Variants in ROR1 observed in about 807,000 individuals in gnomAD.
ROR1 encodes inactive tyrosine-protein kinase transmembrane receptor ROR1.
Under a neutral mutation model 78.8 loss-of-function variants are expected in ROR1, and 19 were observed. The observed-to-expected ratio is 0.24, with a 90% CI of 0.17 to 0.35. The LOEUF is 0.35. Among genes scored for constraint, ROR1 ranks in the 10% least tolerant of loss-of-function variants. The probability of loss-of-function intolerance (pLI) is 1.00; values close to 1 mark genes in which losing one functional copy is unlikely to be tolerated. For synonymous variants in ROR1, 386 were observed against 433.6 expected (o/e 0.89, Z 1.36); for missense variants, 917 against 1,177.8 (o/e 0.78, Z 3.24).
At chr1:64,044,438 T>C (rs965659372) in intron 2 of ROR1, among the ~76,000 whole-genome samples, 2 of 152,088 alleles carry the variant, frequency 1.3e-5, no homozygotes, top group African/African-American at 4.8e-5. Context: ...GGTACCAAAC[T>C]AGTGGTCACT....
At chr1:64,174,800 A>G (rs1409719992) in intron 8 of ROR1, among the ~76,000 whole-genome samples, 4 of 152,148 alleles carry the variant, frequency 2.6e-5, no homozygotes, top group Non-Finnish European at 2.9e-5. Context: ...CAGCAAAAGT[A>G]AAATCATCTG....
chr1:63,803,893 C>G (rs1644811003), intron 1 of ROR1, among the ~76,000 whole-genome samples: 1 of 152,096 alleles, frequency 6.6e-6, no homozygotes. Flanking sequence ...TGTCGATGCA[C>G]TCAACAACTT....
chr1:63,972,817 A>AT (rs565814583), intron 1 of ROR1, among the ~76,000 whole-genome samples: 72 of 152,244 alleles, frequency 4.7e-4, no homozygotes, highest in African/African-American at 1.7e-3. Context: ...GTGTTTTGAG[A>AT]TTTTCCATTT....
At chr1:63,995,337 C>A (rs1385185926) in intron 1 of ROR1, among the ~76,000 whole-genome samples, 1 of 152,092 alleles carries the variant, frequency 6.6e-6, no homozygotes, top group Non-Finnish European at 1.5e-5. Context: ...GTGAGAATAT[C>A]ATTCTTCCCG....
chr1:64,108,072 G>A (rs1647903212), intron 4 of ROR1, among the ~76,000 whole-genome samples: 1 of 109,486 alleles, frequency 9.1e-6, no homozygotes, highest in African/African-American at 3.0e-5. Context: ...GTGTGTGTGT[G>A]TGTGTGTGTG....
intron 1 of ROR1, among the ~76,000 whole-genome samples, chr1:63,805,510 A>G (rs979056378): frequency 6.6e-6 from 1 of 152,254 alleles, no homozygotes; most frequent in Non-Finnish European, 1.5e-5. Flanking sequence ...GATTGCTCCT[A>G]ATGCATCAAC....
intron 1 of ROR1, among the ~76,000 whole-genome samples, chr1:63,974,219 C>A (rs1646140013): frequency 6.6e-6 from 1 of 152,130 alleles, no homozygotes; most frequent in Non-Finnish European, 1.5e-5. Flanking sequence ...TGGGTTTAAA[C>A]CTTGAATTAA....
chr1:63,992,180 A>AATTATT (rs569361556), intron 1 of ROR1, among the ~76,000 whole-genome samples: 1 of 151,094 alleles, frequency 6.6e-6, no homozygotes, highest in South Asian at 2.1e-4. Context: ...GGAATAGGTT[A>AATTATT]ATTATTATTA....
intron 2 of ROR1, among the ~76,000 whole-genome samples, chr1:64,030,189 A>G (rs1646649259): frequency 6.6e-6 from 1 of 152,214 alleles, no homozygotes; most frequent in Non-Finnish European, 1.5e-5. Flanking sequence ...TTAGCTCTAA[A>G]GAATGATGGA....
chr1:64,157,229 C>T (rs936630938), intron 7 of ROR1, among the ~76,000 whole-genome samples: 1 of 152,152 alleles, frequency 6.6e-6, no homozygotes, highest in Admixed American at 6.5e-5. Context: ...CCTCAACCTT[C>T]TGGGCTCAGG....
chr1:63,911,656 C>T (rs375607742), intron 1 of ROR1, among the ~76,000 whole-genome samples: 1 of 151,936 alleles, frequency 6.6e-6, no homozygotes, highest in African/African-American at 2.4e-5. Context: ...GGTTAAGGAC[C>T]GCTGTAGATA....
intron 4 of ROR1, among the ~76,000 whole-genome samples, chr1:64,071,561 C>T (rs1353597898): frequency 6.6e-6 from 1 of 151,736 alleles, no homozygotes; most frequent in Admixed American, 6.6e-5. Flanking sequence ...GTCCACTCCC[C>T]CCCGCCCCAC....
chr1:63,781,374 G>T (rs1644650455), intron 1 of ROR1, among the ~76,000 whole-genome samples: 1 of 152,114 alleles, frequency 6.6e-6, no homozygotes, highest in Admixed American at 6.5e-5. Context: ...GAAAATCGAG[G>T]CTCAGGAAGG....
At chr1:64,051,621 C>T (rs1016935402) in intron 4 of ROR1, among the ~76,000 whole-genome samples, 1 of 152,200 alleles carries the variant, frequency 6.6e-6, no homozygotes, top group East Asian at 1.9e-4. Context: ...ATTTCTTTCA[C>T]TAATGCTATT....
At position 64,140,379 on chromosome 1, in the gene ROR1, C is replaced by T. The variant is rs765400955; in HGVS notation, c.881C>T (p.Ala294Val). Residue 294 changes from alanine to valine, a missense_variant, in exon 6 of 9, where the codon GCG becomes GTG. Physicochemically the swap from Ala to Val is moderately conservative, Grantham distance 64 (BLOSUM62 0). This residue lies in a region of ROR1 where 835 missense variants were observed against 1,069.8 expected (regional missense o/e 0.78). Transcript: ENST00000371079. ...DLPQPESPEA[A>V]NCIRIGIPMA... ...CCCCAGCCAGAGAGCCCAGAAGCTG[C>T]GAACTGTATCCGGATTGGAATTCCC... The T allele has an allele frequency of 5.6e-6, 9 of 1,614,080 alleles. No individual in the cohort carries two copies. Among genetic ancestry groups the T allele is most frequent in the Admixed American group, 3.3e-5 (2 of 60,014 alleles).
intron 1 of ROR1, among the ~76,000 whole-genome samples, chr1:63,896,983 G>A (rs1645445251): frequency 6.6e-6 from 1 of 152,110 alleles, no homozygotes; most frequent in Admixed American, 6.5e-5. Flanking sequence ...GAAGTAATAG[G>A]TATGGGAATG....
intron 2 of ROR1, among the ~76,000 whole-genome samples, chr1:64,019,083 G>C (rs1270902615): frequency 6.6e-6 from 1 of 152,116 alleles, no homozygotes; most frequent in South Asian, 2.1e-4. Flanking sequence ...TATTTTATTG[G>C]TCTGGTGTAT....
At chr1:64,067,444 CAAAAAA>C (rs58105318) in intron 4 of ROR1, among the ~76,000 whole-genome samples, 7 of 57,476 alleles carry the variant, frequency 1.2e-4, no homozygotes, top group East Asian at 8.8e-4. Flanking sequence ...GCCTCCGTCT[CAAAAAA>C]AAAAAAAAAA....
chr1:64,151,386 A>G (rs909141776), intron 7 of ROR1, among the ~76,000 whole-genome samples: 4 of 152,056 alleles, frequency 2.6e-5, no homozygotes, highest in Non-Finnish European at 5.9e-5. Context: ...CTGGCAAATG[A>G]CTCCCATAGG....
Sources: allele counts gnomAD v4.1 joint callset (sites outside exome capture counted in the v4.1 genomes callset), GRCh38; gene constraint gnomAD v4.1.1; regional missense constraint gnomAD v4.1.1; transcripts MANE v1.5; gene names NCBI Gene and HGNC (gene_info 2026-07-23, HGNC 2026-07-21).